LAMA2: variants seen among roughly 807,000 people sequenced by gnomAD.
LAMA2 encodes laminin subunit alpha 2, also known as laminin subunit alpha-2.
Under a neutral mutation model 364.8 loss-of-function variants are expected in LAMA2, and 269 were observed. That is an observed-to-expected ratio of 0.74 (90% CI 0.67 to 0.82). The LOEUF is 0.82. Ranked by LOEUF, LAMA2 falls within the 40% of genes least tolerant of loss-of-function variation. The pLI is 0.00. For synonymous variants in LAMA2, 1,379 were observed against 1,370.6 expected, an observed-to-expected ratio of 1.01 and a Z score of -0.14; for missense variants, 3,807 against 3,873.2, an observed-to-expected ratio of 0.98 and a Z score of 0.45.
At chr6:129,204,541 G>C (rs187885399) in intron 12 of LAMA2, among the ~76,000 whole-genome samples, 110 of 151,812 alleles carry the variant, frequency 7.2e-4, no homozygotes, top group African/African-American at 2.6e-3. Context: ...ATGTGAACAT[G>C]ATGATGGCCA....
chr6:128,924,698 G>C (rs1026945551), intron 1 of LAMA2, among the ~76,000 whole-genome samples: 1 of 152,118 alleles, frequency 6.6e-6, no homozygotes, highest in African/African-American at 2.4e-5. Context: ...GGATTTGTAG[G>C]TCCTGCTCAT....
At chr6:128,941,774 G>T (rs1013829949) in intron 1 of LAMA2, among the ~76,000 whole-genome samples, 1 of 152,164 alleles carries the variant, frequency 6.6e-6, no homozygotes, top group South Asian at 2.1e-4. Context: ...GTGATCCAAA[G>T]TAATTTCGTT....
intron 1 of LAMA2, among the ~76,000 whole-genome samples, chr6:129,023,696 T>C (rs1785603298): frequency 1.3e-5 from 2 of 152,234 alleles, no homozygotes; most frequent in Non-Finnish European, 1.5e-5. Context: ...CCGCCATGTT[T>C]CTATCTGGTT....
intron 34 of LAMA2, among the ~76,000 whole-genome samples, chr6:129,372,934 T>C (rs1778169855): frequency 2.0e-5 from 3 of 152,258 alleles, no homozygotes; most frequent in Admixed American, 2.0e-4. Flanking sequence ...ATTTGCCATC[T>C]GTATATCTTC....
rs79327182 is a variant in LAMA2 at position 128,984,407 on chromosome 6, A to C, written c.113-65511A>C. Among the ~76,000 whole-genome samples, 8 of 152,238 alleles carry C rather than the reference A, an allele frequency of 5.3e-5. No homozygotes were observed. In the East Asian group the frequency reaches 1.5e-3, roughly 29 times the overall value. ...CCTCTCTTCTTAAGGGCCCATTCGT[A>C]TGTACTTAAATAGGAAGATCATCAG... On this transcript the variant is annotated intron_variant, in intron 1 of 64. Coordinates refer to ENST00000421865, the MANE Select transcript of LAMA2 (RefSeq NM_000426.4).
At chr6:129,382,721 A>G (rs1462798457) in intron 34 of LAMA2, among the ~76,000 whole-genome samples, 2 of 152,206 alleles carry the variant, frequency 1.3e-5, no homozygotes, top group Non-Finnish European at 2.9e-5. Context: ...TTTGTCTCTC[A>G]AGAGATCATT....
chr6:129,237,804 A>C (rs1266892185), intron 12 of LAMA2, among the ~76,000 whole-genome samples: 1 of 151,856 alleles, frequency 6.6e-6, no homozygotes, highest in South Asian at 2.1e-4. Context: ...GTTTCCCTAA[A>C]CCCCTCTCTA....
chr6:129,072,250 A>C (rs1193549088), intron 3 of LAMA2, among the ~76,000 whole-genome samples: 1 of 152,192 alleles, frequency 6.6e-6, no homozygotes, highest in Non-Finnish European at 1.5e-5. Flanking sequence ...ATACTTTTAA[A>C]TTAGAGACAT....
chr6:128,950,077 C>T (rs1780718953), intron 1 of LAMA2, among the ~76,000 whole-genome samples: 1 of 152,112 alleles, frequency 6.6e-6, no homozygotes. Context: ...TGTTTAAGTA[C>T]TTACAATATG....
chr6:129,181,110 C>T (rs543460891), intron 10 of LAMA2, among the ~76,000 whole-genome samples: 1 of 152,242 alleles, frequency 6.6e-6, no homozygotes, highest in South Asian at 2.1e-4. Flanking sequence ...ATCCCCAAAC[C>T]TGTGTGCCAC....
intron 1 of LAMA2, among the ~76,000 whole-genome samples, chr6:128,931,385 G>T (rs759308090): frequency 1.3e-3 from 205 of 152,232 alleles, no homozygotes; most frequent in Non-Finnish European, 2.4e-3. Flanking sequence ...TTTGCATAAT[G>T]CCTAGCAAAT....
chr6:129,040,844 G>T (rs1327550894), intron 1 of LAMA2, among the ~76,000 whole-genome samples: 1 of 152,060 alleles, frequency 6.6e-6, no homozygotes, highest in African/African-American at 2.4e-5. Context: ...TGAGAAATTT[G>T]GAAATATATC....
chr6:129,431,416 C>G (rs955374304), intron 41 of LAMA2, among the ~76,000 whole-genome samples: 3 of 146,194 alleles, frequency 2.1e-5, no homozygotes, highest in Admixed American at 2.0e-4. Flanking sequence ...AAAAAAAAAA[C>G]TAGGTAACAT....
At chr6:129,124,623 C>T (rs534326533) in intron 4 of LAMA2, among the ~76,000 whole-genome samples, 7 of 152,308 alleles carry the variant, frequency 4.6e-5, no homozygotes, top group Admixed American at 3.3e-4. Flanking sequence ...TATGTTCTGT[C>T]AGCAGCCACC....
chr6:129,349,576 A>G (rs1400741894), intron 31 of LAMA2, among the ~76,000 whole-genome samples, 192 bp downstream of exon 31: 2 of 152,036 alleles, frequency 1.3e-5, no homozygotes, highest in African/African-American at 4.8e-5. Context: ...TTTCCACCGT[A>G]TGTTTAGACT....
chr6:129,382,368 C>T (rs1161339108), intron 34 of LAMA2, among the ~76,000 whole-genome samples: 2 of 152,152 alleles, frequency 1.3e-5, no homozygotes, highest in Middle Eastern at 3.4e-3. Flanking sequence ...ATATTTTAAC[C>T]GTGAACACGT....
chr6:129,136,647 C>A (rs1777812565), intron 4 of LAMA2, among the ~76,000 whole-genome samples: 1 of 151,550 alleles, frequency 6.6e-6, no homozygotes, highest in South Asian at 2.1e-4. Flanking sequence ...AGCAAATAAT[C>A]TTTAAAGAAA....
At chr6:129,199,704 G>T (rs947968559) in intron 12 of LAMA2, among the ~76,000 whole-genome samples, 11 of 152,034 alleles carry the variant, frequency 7.2e-5, no homozygotes, top group African/African-American at 2.4e-4. Flanking sequence ...AAATTTTTAA[G>T]AGGCCATGTA....
chr6:129,250,031 A>G, intron 12 of LAMA2, 81 bp from the exon 13 acceptor site: 1 of 879,158 alleles, frequency 1.1e-6, no homozygotes, highest in Non-Finnish European at 1.9e-6. Context: ...GAACAATAAA[A>G]TTCGTATACA....
Sources: gnomAD v4.1 joint callset for allele counts (sites outside exome capture counted in the v4.1 genomes callset) on GRCh38, gnomAD v4.1.1 for gene constraint, MANE v1.5 for transcripts, NCBI Gene and HGNC (gene_info 2026-07-23, HGNC 2026-07-21) for gene names.